Variants in INPP5K observed in about 807,000 individuals in gnomAD.
The protein encoded by INPP5K is inositol polyphosphate-5-phosphatase K.
INPP5K carries 35 observed loss-of-function variants against 53.5 expected under a neutral mutation model. The observed-to-expected ratio is 0.65, with a 90% confidence interval of 0.50 to 0.87. The LOEUF is 0.87. Among genes scored for constraint, INPP5K ranks in the 40% least tolerant of loss-of-function variants. The pLI, the probability that INPP5K is intolerant of heterozygous loss-of-function variation, is 0.00. For missense variants in INPP5K, 550 were observed against 586.2 expected, an observed-to-expected ratio of 0.94 and a Z score of 0.64; for synonymous variants, 253 against 232.8, an observed-to-expected ratio of 1.09 and a Z score of -0.79.
chr17:1,508,157 G>A lies in INPP5K; in HGVS notation c.624C>T (p.Ser208=). The A allele has an allele frequency of 1.2e-6, 2 of 1,614,088 alleles. No homozygotes were observed. Among genetic ancestry groups the A allele is most frequent in the Non-Finnish European group, 1.7e-6 (2 of 1,179,972 alleles). ...EDFGLHFVRE[S]IKNRCYGGLW... Reference sequence around the variant, plus strand: ...GGCCACCGTAGCACCGATTTTTAATGGATTCCCGAACAAAGTGCAACCCAA... The same window carrying A: ...GGCCACCGTAGCACCGATTTTTAATAGATTCCCGAACAAAGTGCAACCCAA... The change falls in exon 6 of 12, where the codon TCC becomes TCT. Residue 208 remains serine (S), a synonymous_variant. Coordinates refer to ENST00000421807, the MANE Select transcript of INPP5K (RefSeq NM_016532.4).
At chr17:1,506,570 C>T (rs540684730) in intron 7 of INPP5K, among the ~76,000 whole-genome samples, 3 of 152,224 alleles carry the variant, frequency 2.0e-5, no homozygotes, top group Non-Finnish European at 4.4e-5. Context: ...CAAGACCTGA[C>T]CCATTCACAG....
At position 1,496,812 on chromosome 17, in the gene INPP5K, G is replaced by C. The variant is rs764977711; in HGVS notation, c.964-9C>G. The C allele has an allele frequency of 1.2e-6, 2 of 1,613,318 alleles. No homozygotes were observed. The highest frequency in any genetic ancestry group is 4.5e-5 in the East Asian group (2 of 44,868). On this transcript the variant is annotated splice_polypyrimidine_tract_variant and intron_variant, in intron 8 of 11. Transcript: ENST00000421807. ...GACACCAATGGCTTCAGCTAGACAC[G>C]GGGGTGGGAAGGGGGCTGAATCTCG...
intron 7 of INPP5K, among the ~76,000 whole-genome samples, chr17:1,500,594 T>C (rs1462520397): frequency 6.6e-6 from 1 of 152,184 alleles, no homozygotes; most frequent in African/African-American, 2.4e-5. Context: ...CTTGATCTCC[T>C]GACCTCGTGA....
intron 7 of INPP5K, among the ~76,000 whole-genome samples, chr17:1,505,914 G>A (rs994482322): frequency 1.3e-5 from 2 of 152,172 alleles, no homozygotes; most frequent in African/African-American, 4.8e-5. Flanking sequence ...AATGAGTCAG[G>A]GACATGTTGC....
At chr17:1,507,796 C>T (rs987737034) in intron 6 of INPP5K, 17 of 201,944 alleles carry the variant, frequency 8.4e-5, no homozygotes, top group Admixed American at 2.2e-4. Context: ...CCACCCACCT[C>T]GGCCTCCCAG....
chr17:1,495,552 C>T lies in INPP5K; in HGVS notation c.*271G>A, dbSNP rs1476242346. On this transcript the variant is annotated 3_prime_UTR_variant, in exon 12 of 12. Transcript: ENST00000421807. The stretch of plus-strand genomic sequence containing the variant: ...AGGGGGTAGGAATCCAGAAATGAGA[C>T]GCAGAACTGTCCCCAGGTCTTCACT... 7 of 441,088 alleles carry T rather than the reference C, an allele frequency of 1.6e-5. No homozygotes were observed. The highest frequency in any genetic ancestry group is 4.2e-5 in the East Asian group (1 of 23,732). The allele number at this position is 441,088 out of a possible 1,614,324, so 27.3% of individuals were successfully genotyped here. A position where few individuals can be genotyped will look rare whatever the true frequency, so the allele number is the denominator to read the frequency against.
chr17:1,497,013 C>T (rs1315235705), intron 8 of INPP5K, among the ~76,000 whole-genome samples: 3 of 152,166 alleles, frequency 2.0e-5, no homozygotes, highest in South Asian at 2.1e-4. Flanking sequence ...CTGGCCCTGT[C>T]GGAATCCCAT....
intron 3 of INPP5K, among the ~76,000 whole-genome samples, chr17:1,510,255 C>T (rs1037279201): frequency 6.6e-6 from 1 of 152,060 alleles, no homozygotes; most frequent in South Asian, 2.1e-4. Context: ...CTCGCTCTGT[C>T]GCCCAGGCTG....
chr17:1,509,318 A>G lies in INPP5K; in HGVS notation c.414T>C (p.Leu138=), dbSNP rs1374560315. ...TGATGATGCTGACATAGTAGCCATA[A>G]AGCTTCAGGCAGATGTTGACTCCAC... ...NKGGVNICLK[L]YGYYVSIINC... is the part of the protein sequence containing the mutation. The change falls in exon 5 of 12, where the codon CTT becomes CTC. Residue 138 remains leucine, a synonymous_variant. Coordinates refer to ENST00000421807, the MANE Select transcript of INPP5K (RefSeq NM_016532.4). The G allele has an allele frequency of 6.2e-7, 1 of 1,613,980 alleles. No homozygotes were observed. The highest frequency in any genetic ancestry group is 1.3e-5 in the African/African-American group (1 of 74,898).
At chr17:1,511,056 C>T (rs770635242) in intron 3 of INPP5K, among the ~76,000 whole-genome samples, 1 of 152,094 alleles carries the variant, frequency 6.6e-6, no homozygotes, top group Non-Finnish European at 1.5e-5. Flanking sequence ...AAAATGCTCC[C>T]CCCAAACCCC....
intron 2 of INPP5K, 130 bp downstream of exon 2, chr17:1,513,742 G>A (rs912282625): frequency 2.3e-6 from 2 of 876,710 alleles, no homozygotes; most frequent in Admixed American, 4.6e-5. Flanking sequence ...AGAGACATGG[G>A]ACTGTCCCTG....
chr17:1,497,893 A>T (rs774458269), intron 8 of INPP5K, 43 bp downstream of exon 8: 2 of 1,543,982 alleles, frequency 1.3e-6, no homozygotes, highest in Admixed American at 3.4e-5. Flanking sequence ...TGTGGCCAGC[A>T]TAGCTATTCC....
intron 10 of INPP5K, 33 bp downstream of exon 10, chr17:1,496,268 GTGCTGAGGCAGGCCTGCC>G: frequency 6.6e-7 from 1 of 1,510,688 alleles, no homozygotes; most frequent in Non-Finnish European, 9.0e-7. Context: ...CAAGACAGGA[GTGCTGAGGCAGGCCTGCC>G]TGCTGGTGAT....
chr17:1,510,802 G>GTT (rs2075289003), intron 3 of INPP5K, among the ~76,000 whole-genome samples: 1 of 151,916 alleles, frequency 6.6e-6, no homozygotes, highest in Non-Finnish European at 1.5e-5. Context: ...ATTTTTGTTT[G>GTT]TTTTGTAGAG....
At chr17:1,515,812 C>T (rs888935019) in intron 1 of INPP5K, 1 of 780,056 alleles carries the variant, frequency 1.3e-6, no homozygotes, top group Non-Finnish European at 1.6e-6. Context: ...CATTTGTTTA[C>T]GATCTCCCCC....
In INPP5K at chr17:1,495,829, C is replaced by T. The variant is rs898413693; in HGVS notation, c.1341G>A (p.Gln447=). 1.7e-5 allele frequency: 28 copies of T among 1,612,832 alleles called. No individual in the cohort carries two copies. The Middle Eastern group carries it at 5.0e-4, about 29-fold the overall frequency. The part of the protein sequence containing the change: ...REDPLGEAQP[Q]I ...GATTCACTCCCATCCTGGCTCAGAT[C>T]TGTGGCTGTGCTTCACCCAGTGGGT... The change falls in exon 12 of 12, where the codon CAG becomes CAA. Residue 447 remains glutamine, a synonymous_variant. Coordinates refer to ENST00000421807, the MANE Select transcript of INPP5K (RefSeq NM_016532.4).
intron 7 of INPP5K, 163 bp from the exon 8 acceptor site, chr17:1,498,285 G>C: frequency 1.8e-6 from 1 of 558,750 alleles, no homozygotes; most frequent in Non-Finnish European, 3.1e-6. Context: ...GCAGCAGGCA[G>C]GAAGGTGCCT....
Position 1,496,307 on chromosome 17 carries a change from C to CTGG in INPP5K, c.1185+9_1185+11dup, listed in dbSNP as rs2074836282. On this transcript the variant is annotated intron_variant, in intron 10 of 11. Coordinates refer to ENST00000421807, the MANE Select transcript of INPP5K (RefSeq NM_016532.4). ...CTGCCTGCTGGTGATGTACCTGGTGCTGGTGACGTACCTGGTTCAGGTTGT... is the reference window on the plus strand; with the variant it reads ...CTGCCTGCTGGTGATGTACCTGGTGCTGGTGGTGACGTACCTGGTTCAGGTTGT... 1 of 1,555,738 alleles carries CTGG rather than the reference C, an allele frequency of 6.4e-7. No homozygotes were observed. The highest frequency in any genetic ancestry group is 1.9e-5 in the Admixed American group (1 of 51,300).
At chr17:1,510,507 A>G (rs1023425086) in intron 3 of INPP5K, 1 of 152,008 alleles carries the variant, frequency 6.6e-6, no homozygotes, top group Non-Finnish European at 1.5e-5. Context: ...GCGCCCGGCC[A>G]AGCATTCTTA....
Sources: allele counts gnomAD v4.1 joint callset (sites outside exome capture counted in the v4.1 genomes callset), GRCh38; gene constraint gnomAD v4.1.1; transcripts MANE v1.5; gene names NCBI Gene and HGNC (gene_info 2026-07-23, HGNC 2026-07-21).